Variants in GALNT1 observed in about 807,000 individuals in gnomAD.
GALNT1 encodes polypeptide N-acetylgalactosaminyltransferase 1, also known as GalNAc transferase 1.
A neutral mutation model predicts 65.7 loss-of-function variants in GALNT1; 17 were observed. The ratio of observed to expected loss-of-function variants is 0.26; its 90% CI spans 0.18 to 0.39. The LOEUF is 0.39. Among genes scored for constraint, GALNT1 ranks in the 10% least tolerant of loss-of-function variants. GALNT1 has a pLI of 1.00. For missense variants in GALNT1, 460 were observed against 672.8 expected (o/e 0.68, Z 3.50); for synonymous variants, 210 against 219.7 (o/e 0.96, Z 0.39).
intron 3 of GALNT1, among the ~76,000 whole-genome samples, chr18:35,665,160 C>G (rs762082434): frequency 6.6e-6 from 1 of 152,052 alleles, no homozygotes; most frequent in Non-Finnish European, 1.5e-5. Context: ...CCTCAACAAA[C>G]AGAGAAAAGC....
At chr18:35,687,702 C>T (rs1234243644) in intron 6 of GALNT1, among the ~76,000 whole-genome samples, 1 of 152,002 alleles carries the variant, frequency 6.6e-6, no homozygotes, top group Non-Finnish European at 1.5e-5. Flanking sequence ...CATTTATTCT[C>T]TGATTTTTTT....
chr18:35,701,252 T>G (rs762077236), intron 9 of GALNT1, among the ~76,000 whole-genome samples: 2 of 152,146 alleles, frequency 1.3e-5, no homozygotes, highest in Non-Finnish European at 2.9e-5. Context: ...ATTTTTATTT[T>G]TTGTAGAGAC....
chr18:35,672,112 T>G (rs1046116529), intron 3 of GALNT1, among the ~76,000 whole-genome samples: 1 of 152,222 alleles, frequency 6.6e-6, no homozygotes, highest in Non-Finnish European at 1.5e-5. Context: ...GTCTGACTTT[T>G]CTATACCTCA....
intron 1 of GALNT1, among the ~76,000 whole-genome samples, chr18:35,645,218 GTTTTTTTTTTTTTTTT>G (rs1166987925): frequency 3.7e-5 from 2 of 54,326 alleles, no homozygotes; most frequent in Admixed American, 2.6e-4. Flanking sequence ...TATTTTGAAT[GTTTTTTTTTTTTTTTT>G]TTTTTTTTTT....
intron 1 of GALNT1, among the ~76,000 whole-genome samples, chr18:35,623,461 T>A (rs1234375915): frequency 6.6e-6 from 1 of 152,158 alleles, no homozygotes; most frequent in Non-Finnish European, 1.5e-5. Flanking sequence ...ATTTTGTTCT[T>A]CCCCAAATGT....
chr18:35,642,700 A>G (rs1018927695), intron 1 of GALNT1, among the ~76,000 whole-genome samples: 10 of 149,476 alleles, frequency 6.7e-5, no homozygotes, highest in African/African-American at 2.5e-4. Flanking sequence ...TATGACCCAC[A>G]GAGTGGAAGC....
At chr18:35,581,281 C>T (rs1568009556), upstream of GALNT1, 1 of 151,662 alleles carries the variant, frequency 6.6e-6, no homozygotes, top group Non-Finnish European at 1.5e-5. Context: ...ACCTCTCGGC[C>T]TGGCCCGGCC....
intron 1 of GALNT1, chr18:35,597,529 G>A (rs12968295): frequency 0.23 from 35,548 of 152,090 alleles, 4,725 homozygotes; most frequent in African/African-American, 0.36. Context: ...AGTAGAATTT[G>A]TATTGTGTCT....
In GALNT1 at chr18:35,654,571, G is replaced by T; in HGVS notation, c.-92G>T. The T allele has an allele frequency of 1.5e-6, 1 of 686,296 alleles. No homozygotes were observed. Among genetic ancestry groups the T allele is most frequent in the Non-Finnish European group, 2.0e-6 (1 of 500,630 alleles). The allele number at this position is 686,296 out of a possible 1,614,324, so 42.5% of individuals were successfully genotyped here. On this transcript the variant is annotated 5_prime_UTR_variant, in exon 2 of 12. Transcript: ENST00000269195. Reference sequence around the variant, plus strand: ...TTCTTTCTCTATAGGGTATGAACGTGATTTCTGATGAAACTGGATTGGAAT... The same window carrying T: ...TTCTTTCTCTATAGGGTATGAACGTTATTTCTGATGAAACTGGATTGGAAT...
intron 9 of GALNT1, among the ~76,000 whole-genome samples, chr18:35,702,034 TTG>T (rs2048173400): frequency 1.3e-5 from 2 of 152,178 alleles, no homozygotes; most frequent in Non-Finnish European, 2.9e-5. Context: ...TTTAGGTAAC[TTG>T]TATTTAAACC....
intron 1 of GALNT1, among the ~76,000 whole-genome samples, chr18:35,635,585 A>T (rs996597240): frequency 6.6e-5 from 10 of 152,116 alleles, no homozygotes; most frequent in African/African-American, 2.4e-4. Context: ...TGCTGTGTTA[A>T]CTCGATTCAT....
intron 3 of GALNT1, among the ~76,000 whole-genome samples, chr18:35,676,578 C>T (rs2144565135): frequency 6.6e-6 from 1 of 152,262 alleles, no homozygotes; most frequent in Non-Finnish European, 1.5e-5. Flanking sequence ...CTTCCCTTTT[C>T]CCACTCCCAC....
intron 3 of GALNT1, among the ~76,000 whole-genome samples, chr18:35,675,806 G>A (rs1488144600): frequency 6.6e-6 from 1 of 152,084 alleles, no homozygotes; most frequent in East Asian, 1.9e-4. Flanking sequence ...TGTATGTGTG[G>A]CATAATAAGA....
intron 11 of GALNT1, 110 bp from the exon 12 acceptor site, chr18:35,709,514 G>T: frequency 2.0e-6 from 2 of 1,023,106 alleles, no homozygotes; most frequent in Non-Finnish European, 2.8e-6. Context: ...TTTAAATAAT[G>T]TATATTACCA....
chr18:35,615,913 G>A (rs2046778080), intron 1 of GALNT1, among the ~76,000 whole-genome samples: 1 of 152,214 alleles, frequency 6.6e-6, no homozygotes, highest in Non-Finnish European at 1.5e-5. Flanking sequence ...GGGCCAGATA[G>A]TAAGTATTTT....
intron 1 of GALNT1, among the ~76,000 whole-genome samples, chr18:35,639,907 C>T (rs2047139897): frequency 6.6e-6 from 1 of 152,162 alleles, no homozygotes. Flanking sequence ...AGCAATTCTC[C>T]TGCCTCAGCC....
intron 1 of GALNT1, among the ~76,000 whole-genome samples, chr18:35,627,028 C>T (rs1223284695): frequency 6.6e-6 from 1 of 152,180 alleles, no homozygotes; most frequent in Non-Finnish European, 1.5e-5. Context: ...AGAATGGTCA[C>T]TTGAATTCAG....
intron 1 of GALNT1, chr18:35,596,032 G>T (rs987542901): frequency 2.0e-5 from 3 of 152,006 alleles, no homozygotes; most frequent in African/African-American, 7.2e-5. Context: ...AGAGAGAGAG[G>T]GTGCTGCGAA....
At chr18:35,671,941 A>C (rs1032776527) in intron 3 of GALNT1, among the ~76,000 whole-genome samples, 24 of 152,110 alleles carry the variant, frequency 1.6e-4, no homozygotes, top group Non-Finnish European at 4.4e-5. Context: ...TTTTGGAGCT[A>C]CTTATATGCA....
Sources: gnomAD v4.1 joint callset for allele counts (sites outside exome capture counted in the v4.1 genomes callset) on GRCh38, gnomAD v4.1.1 for gene constraint, MANE v1.5 for transcripts, NCBI Gene and HGNC (gene_info 2026-07-23, HGNC 2026-07-21) for gene names.